STK32B: variants seen among roughly 807,000 people sequenced by gnomAD.
The protein encoded by STK32B is serine/threonine-protein kinase 32B.
STK32B carries 43 observed loss-of-function variants against 52.6 expected under a neutral mutation model. The ratio of observed to expected loss-of-function variants is 0.82; its 90% CI spans 0.64 to 1.05. The LOEUF (loss-of-function observed/expected upper bound fraction) is 1.05, where lower values mean the gene tolerates loss of function less well. Ranked by LOEUF, STK32B falls within the 50% of genes least tolerant of loss-of-function variation. The probability of loss-of-function intolerance (pLI) is 0.00; values close to 1 mark genes in which losing one functional copy is unlikely to be tolerated. For synonymous variants in STK32B, 238 were observed against 204.3 expected, an observed-to-expected ratio of 1.17 and a Z score of -1.41; for missense variants, 621 against 534.6, an observed-to-expected ratio of 1.16 and a Z score of -1.59.
At chr4:5,438,321 G>T (rs1003261226) in intron 6 of STK32B, among the ~76,000 whole-genome samples, 1 of 152,182 alleles carries the variant, frequency 6.6e-6, no homozygotes, top group African/African-American at 2.4e-5. Flanking sequence ...TCAGTGCCCA[G>T]CATGTACTAG....
intron 6 of STK32B, among the ~76,000 whole-genome samples, chr4:5,431,974 A>G (rs1713623369): frequency 6.6e-6 from 1 of 152,282 alleles, no homozygotes; most frequent in South Asian, 2.1e-4. Context: ...CTCTTGAATC[A>G]TTACCTTGAT....
Position 5,460,368 on chromosome 4 carries a change from A to G in STK32B, c.909+140A>G, listed in dbSNP as rs892454929. 1.1e-5 allele frequency: 15 copies of G among 1,357,186 alleles called. No individual in the cohort carries two copies. The Admixed American group carries it at 1.2e-4, about 11-fold the overall frequency. The allele number at this position is 1,357,186 out of a possible 1,614,324, so 84.1% of individuals were successfully genotyped here. On this transcript the variant is annotated intron_variant, in intron 9 of 11. Coordinates refer to ENST00000282908, the MANE Select transcript of STK32B (RefSeq NM_018401.3). This position sits in a 1 kb window ranked among gnomAD's most constrained non-coding sequence, Gnocchi z 4.8. ...GCACCAAGGGCTTATGTCTTGCTGGAATTCAGGGTGAACTTGGGCCTGATT... is the reference window on the plus strand; with the variant it reads ...GCACCAAGGGCTTATGTCTTGCTGGGATTCAGGGTGAACTTGGGCCTGATT...
chr4:5,490,068 G>A (rs1272862079), intron 11 of STK32B, among the ~76,000 whole-genome samples: 2 of 151,430 alleles, frequency 1.3e-5, no homozygotes, highest in Admixed American at 6.6e-5. Context: ...AAAAAAATGA[G>A]ATAAGGCTAA....
At chr4:5,255,635 G>A (rs1001419049) in intron 3 of STK32B, among the ~76,000 whole-genome samples, 2 of 151,924 alleles carry the variant, frequency 1.3e-5, no homozygotes, top group African/African-American at 4.8e-5. Context: ...CAAGCCATCT[G>A]CGTAACCTCT....
chr4:5,336,714 A>C (rs572870093), intron 4 of STK32B, among the ~76,000 whole-genome samples: 3 of 152,238 alleles, frequency 2.0e-5, no homozygotes, highest in Non-Finnish European at 2.9e-5. Flanking sequence ...GAGACAAAGC[A>C]AAGTTAAAGA....
intron 3 of STK32B, among the ~76,000 whole-genome samples, chr4:5,189,742 C>T (rs1721033515): frequency 6.6e-6 from 1 of 152,084 alleles, no homozygotes; most frequent in Non-Finnish European, 1.5e-5. Context: ...ATCTGTTTTC[C>T]AAAATGGCTG....
intron 3 of STK32B, among the ~76,000 whole-genome samples, chr4:5,244,254 C>G (rs1431604522): frequency 6.6e-6 from 1 of 152,094 alleles, no homozygotes; most frequent in Non-Finnish European, 1.5e-5. Flanking sequence ...AATTTCAGAG[C>G]CTGTTTATTG....
intron 3 of STK32B, among the ~76,000 whole-genome samples, chr4:5,261,320 G>A (rs574357403): frequency 2.0e-5 from 3 of 152,312 alleles, no homozygotes; most frequent in African/African-American, 7.2e-5. Context: ...TTGTATATTA[G>A]AAAGACTTGC....
intron 11 of STK32B, among the ~76,000 whole-genome samples, chr4:5,491,760 G>T (rs946135753): frequency 1.3e-5 from 2 of 151,648 alleles, no homozygotes; most frequent in Non-Finnish European, 3.0e-5. Flanking sequence ...TTTGTATAAG[G>T]TGTAAGGAAG....
At chr4:5,342,688 A>T (rs1467469860) in intron 4 of STK32B, among the ~76,000 whole-genome samples, 1 of 152,208 alleles carries the variant, frequency 6.6e-6, no homozygotes, top group African/African-American at 2.4e-5. Flanking sequence ...TTGGGCAGGG[A>T]TGCACATCCA....
intron 3 of STK32B, among the ~76,000 whole-genome samples, chr4:5,213,702 G>T (rs1389016416): frequency 6.6e-6 from 1 of 152,086 alleles, no homozygotes; most frequent in African/African-American, 2.4e-5. Context: ...TCTCATTTCT[G>T]ATTGCAGCCC....
chr4:5,263,412 T>C (rs1166472654), intron 3 of STK32B, among the ~76,000 whole-genome samples: 1 of 152,126 alleles, frequency 6.6e-6, no homozygotes, highest in African/African-American at 2.4e-5. Flanking sequence ...CCCATTAGCC[T>C]CTCCCTGCAG....
chr4:5,359,389 C>A (rs1163579840), intron 4 of STK32B, among the ~76,000 whole-genome samples: 40 of 149,054 alleles, frequency 2.7e-4, no homozygotes, highest in African/African-American at 8.3e-4. Context: ...CCCTCCCTCC[C>A]TCCCTCCCTC....
intron 1 of STK32B, among the ~76,000 whole-genome samples, chr4:5,060,431 G>A (rs1322707670): frequency 1.3e-5 from 2 of 151,620 alleles, no homozygotes; most frequent in African/African-American, 4.8e-5. Context: ...GCCTTTCTTG[G>A]TTTATCAGTT....
intron 11 of STK32B, among the ~76,000 whole-genome samples, chr4:5,485,706 A>G (rs972295213): frequency 3.3e-5 from 5 of 151,862 alleles, no homozygotes; most frequent in African/African-American, 7.3e-5. Context: ...TTTTTTCCCC[A>G]TCTTTGTGGT....
rs78215602 is a variant in STK32B at position 5,162,328 on chromosome 4, A to G, written c.109-5971A>G. On this transcript the variant is annotated intron_variant, in intron 2 of 11. Transcript: ENST00000282908. ...CTTCAGCCTTCCCTGGGATACATCT[A>G]AAAAAATACAAAATCCCAGGGCCTC... 3.6e-3 allele frequency among the ~76,000 whole-genome samples: 552 copies of G among 152,228 alleles called. 4 individuals carry two copies. Among genetic ancestry groups the G allele is most frequent in the African/African-American group, 0.012 (510 of 41,520 alleles).
intron 4 of STK32B, among the ~76,000 whole-genome samples, chr4:5,370,184 T>C (rs1735137550): frequency 6.6e-6 from 1 of 151,932 alleles, no homozygotes; most frequent in Admixed American, 6.6e-5. Flanking sequence ...CCTCAAAGAG[T>C]ATATTAAGCA....
intron 3 of STK32B, among the ~76,000 whole-genome samples, chr4:5,283,860 CT>C (rs1728369625): frequency 6.6e-6 from 1 of 151,766 alleles, no homozygotes; most frequent in Non-Finnish European, 1.5e-5. Context: ...GTTTTTTAAG[CT>C]GAAACAAAAG....
chr4:5,269,077 C>T (rs943564067), intron 3 of STK32B, among the ~76,000 whole-genome samples: 1 of 152,002 alleles, frequency 6.6e-6, no homozygotes, highest in Non-Finnish European at 1.5e-5. Context: ...CTGGAAAGAC[C>T]AAGGCAGCTA....
Sources: allele counts gnomAD v4.1 joint callset (sites outside exome capture counted in the v4.1 genomes callset), GRCh38; gene constraint gnomAD v4.1.1; non-coding constraint Gnocchi (gnomAD v3.1); transcripts MANE v1.5; gene names NCBI Gene and HGNC (gene_info 2026-07-23, HGNC 2026-07-21).